Variants in KPNB1 observed in about 807,000 individuals in gnomAD.
KPNB1 encodes the protein importin subunit beta-1.
A neutral mutation model predicts 113.0 loss-of-function variants in KPNB1; 7 were observed. The observed-to-expected ratio is 0.06, with a 90% CI of 0.04 to 0.12. The LOEUF is 0.12. Among genes scored for constraint, KPNB1 ranks in the 10% least tolerant of loss-of-function variants. The pLI, the probability that KPNB1 is intolerant of heterozygous loss-of-function variation, is 1.00. For synonymous variants in KPNB1, 363 were observed against 378.6 expected (o/e 0.96, Z 0.48); for missense variants, 400 against 1,054.8 (o/e 0.38, Z 8.60).
At chr17:47,674,283 A>G (rs924481554) in intron 14 of KPNB1, among the ~76,000 whole-genome samples, 1 of 152,230 alleles carries the variant, frequency 6.6e-6, no homozygotes. Flanking sequence ...TAAGAGCTCT[A>G]AGGTGATAGG....
intron 21 of KPNB1, among the ~76,000 whole-genome samples, chr17:47,681,695 T>G (rs1190496096): frequency 2.8e-5 from 4 of 144,806 alleles, no homozygotes; most frequent in South Asian, 2.3e-4. Context: ...GGTTTTTTTT[T>G]TTTTTTTTTT....
rs754233691 is a variant in KPNB1 at position 47,650,288 on chromosome 17, G to A, written c.40+4G>A. 3 of 1,605,294 alleles carry A rather than the reference G, an allele frequency of 1.9e-6. No homozygotes were observed. Among genetic ancestry groups the A allele is most frequent in the Admixed American group, 3.4e-5 (2 of 58,868 alleles). ...CTCGAGAAGACCGTGTCTCCCGGTAGGACGCAGGAGCCGGGGGTAGGGCTG... is the reference window on the plus strand; with the variant it reads ...CTCGAGAAGACCGTGTCTCCCGGTAAGACGCAGGAGCCGGGGGTAGGGCTG... On this transcript the variant is annotated splice_donor_region_variant and intron_variant, in intron 1 of 21. Transcript: ENST00000290158.
chr17:47,675,372 G>GTTTTTTTTTTTTTTTTT (rs755565036), intron 15 of KPNB1, among the ~76,000 whole-genome samples: 8 of 86,070 alleles, frequency 9.3e-5, no homozygotes, highest in African/African-American at 2.6e-4. Flanking sequence ...TTTTTTTTTT[G>GTTTTTTTTTTTTTTTTT]TTTTTTTTTT....
At chr17:47,680,267 C>T (rs749141597) in intron 20 of KPNB1, 133 bp downstream of exon 20, 6 of 768,500 alleles carry the variant, frequency 7.8e-6, no homozygotes, top group African/African-American at 1.7e-5. Context: ...CTTTGCAGAA[C>T]GCTTCATGTC....
chr17:47,678,998 C>A (rs1452042861), intron 19 of KPNB1, among the ~76,000 whole-genome samples: 1 of 152,076 alleles, frequency 6.6e-6, no homozygotes, highest in African/African-American at 2.4e-5. Context: ...CAGCTCACTG[C>A]AGTCTTCACT....
At chr17:47,653,168 C>T (rs573776265) in intron 3 of KPNB1, among the ~76,000 whole-genome samples, 2 of 151,370 alleles carry the variant, frequency 1.3e-5, no homozygotes, top group South Asian at 2.1e-4. Context: ...GAGTAGTGTA[C>T]AAATTGGTGC....
intron 21 of KPNB1, 53 bp downstream of exon 21, chr17:47,680,722 TA>T: frequency 6.4e-7 from 1 of 1,557,742 alleles, no homozygotes; most frequent in Non-Finnish European, 8.7e-7. Context: ...AGGAGGGGGG[TA>T]TGTTTTCTTT....
At chr17:47,659,759 T>C (rs1373893116) in intron 5 of KPNB1, among the ~76,000 whole-genome samples, 1 of 152,162 alleles carries the variant, frequency 6.6e-6, no homozygotes, top group African/African-American at 2.4e-5. Context: ...ACAGGATATA[T>C]AGCCAGGTGC....
intron 21 of KPNB1, 75 bp downstream of exon 21, chr17:47,680,744 G>A (rs2030746618): frequency 7.1e-6 from 10 of 1,413,898 alleles, no homozygotes; most frequent in South Asian, 1.3e-5. Flanking sequence ...AGGCCATTCT[G>A]GCAAGCACTG....
At position 47,680,669 on chromosome 17, in the gene KPNB1, G is replaced by GGTAA. The variant is rs751818660; in HGVS notation, c.2630+2_2630+5dup. The GGTAA allele has an allele frequency of 6.2e-7, 1 of 1,613,242 alleles. No homozygotes were observed. Among genetic ancestry groups the GGTAA allele is most frequent in the South Asian group, 1.1e-5 (1 of 90,980 alleles). ...CTGAGGAAACTGAAGAACCAAGCTT[G>GGTAA]GTAAGATCTTGCCTCCACTGTCCTC... On this transcript the variant is annotated frameshift_variant and splice_region_variant. Transcript: ENST00000290158. LOFTEE classifies it high-confidence loss of function.
Position 47,683,007 on chromosome 17 carries a change from C to CT in KPNB1, c.*608dup, listed in dbSNP as rs1157766500. ...TCTCAACTTCAAGTCATTGCAGTTTCTTTTTCCCAGAAAACAAGGGGTTAG... is the reference window on the plus strand; with the variant it reads ...TCTCAACTTCAAGTCATTGCAGTTTCTTTTTTCCCAGAAAACAAGGGGTTAG... On this transcript the variant is annotated 3_prime_UTR_variant, in exon 22 of 22. Coordinates refer to ENST00000290158, the MANE Select transcript of KPNB1 (RefSeq NM_002265.6). The CT allele has an allele frequency of 2.2e-5, 3 of 135,214 alleles. No individual in the cohort carries two copies. The highest frequency in any genetic ancestry group is 4.6e-5 in the Non-Finnish European group (3 of 64,988). The allele number at this position is 135,214 out of a possible 1,614,324, so 8.4% of individuals were successfully genotyped here.
chr17:47,653,240 G>A (rs541102659), intron 3 of KPNB1, among the ~76,000 whole-genome samples: 6 of 150,730 alleles, frequency 4.0e-5, no homozygotes, highest in African/African-American at 7.3e-5. Context: ...CAGAAATTCC[G>A]ATTCGGTACT....
chr17:47,681,686 G>GTTTGTTTTTTTTTTTTTT (rs1567896578), intron 21 of KPNB1, among the ~76,000 whole-genome samples: 1 of 96,034 alleles, frequency 1.0e-5, no homozygotes, highest in Non-Finnish European at 1.9e-5. Flanking sequence ...GGAATTATAG[G>GTTTGTTTTTTTTTTTTTT]TTTTTTTTTT....
intron 6 of KPNB1, 91 bp downstream of exon 6, chr17:47,661,269 A>G: frequency 1.1e-6 from 1 of 946,882 alleles, no homozygotes; most frequent in East Asian, 2.5e-5. Flanking sequence ...GAATCAGTTG[A>G]CTTCAGCAAT....
At chr17:47,665,201 T>C (rs897965811) in intron 9 of KPNB1, 43 bp downstream of exon 9, 2 of 1,459,498 alleles carry the variant, frequency 1.4e-6, no homozygotes, top group Non-Finnish European at 9.6e-7. Flanking sequence ...TGTGGAACCT[T>C]ACTAAGAGTA....
At chr17:47,661,077 G>A in intron 5 of KPNB1, 42 bp from the exon 6 acceptor site, 1 of 1,500,610 alleles carries the variant, frequency 6.7e-7, no homozygotes, top group Non-Finnish European at 9.3e-7. Flanking sequence ...CTACGTACAG[G>A]TTATGCTCTC....
intron 10 of KPNB1, among the ~76,000 whole-genome samples, chr17:47,668,786 A>AT (rs1173756580): frequency 2.6e-5 from 4 of 151,084 alleles, no homozygotes; most frequent in African/African-American, 9.7e-5. Context: ...TTTCCCAATA[A>AT]TTTTTTTTTG....
chr17:47,672,700 G>T (rs1597935926), intron 12 of KPNB1, among the ~76,000 whole-genome samples: 1 of 152,176 alleles, frequency 6.6e-6, no homozygotes, highest in Non-Finnish European at 1.5e-5. Flanking sequence ...GAAAATTGGG[G>T]TATTTTCTTC....
chr17:47,657,029 T>G lies in KPNB1; in HGVS notation c.452T>G (p.Leu151Trp). 6.2e-7 allele frequency: 1 copy of G among 1,614,190 alleles called. No individual in the cohort carries two copies. The highest frequency in any genetic ancestry group is 8.5e-7 in the Non-Finnish European group (1 of 1,180,024). ...NSTEHMKEST[L>W]EAIGYICQDI... is the part of the protein sequence containing the mutation. ...ACAGAGCACATGAAGGAGTCGACAT[T>G]GGAAGCCATCGGTTATATTTGCCAA... is the stretch of plus-strand genomic sequence containing the variant. The change falls in exon 4 of 22, where the codon TTG becomes TGG. Residue 151 changes from leucine to tryptophan, a missense_variant. By Grantham distance (61) the Leu-to-Trp change is moderately conservative. This residue lies in a region of KPNB1 where 285 missense variants were observed against 627.0 expected (regional missense o/e 0.45). Transcript: ENST00000290158.
Sources: allele counts gnomAD v4.1 joint callset (sites outside exome capture counted in the v4.1 genomes callset), GRCh38; gene constraint gnomAD v4.1.1; regional missense constraint gnomAD v4.1.1; transcripts MANE v1.5; gene names NCBI Gene and HGNC (gene_info 2026-07-23, HGNC 2026-07-21).